Variants in IL1RL2 observed in about 807,000 individuals in gnomAD.
IL1RL2 encodes the protein interleukin-1 receptor-like 2.
IL1RL2 carries 68 observed loss-of-function variants against 66.8 expected under a neutral mutation model. The ratio of observed to expected loss-of-function variants is 1.02; its 90% confidence interval spans 0.84 to 1.25. The LOEUF is 1.25. Among genes scored for constraint, IL1RL2 ranks in the 50% most tolerant of loss-of-function variants. The pLI is 0.00. For missense variants in IL1RL2, 729 were observed against 709.3 expected (o/e 1.03, Z -0.32); for synonymous variants, 305 against 264.6 (o/e 1.15, Z -1.48).
At chr2:102,188,984 A>G (rs1167930727) in intron 2 of IL1RL2, 92 bp from the exon 3 acceptor site, 1 of 895,704 alleles carries the variant, frequency 1.1e-6, no homozygotes, top group Non-Finnish European at 1.7e-6. Flanking sequence ...AATTGGCTGG[A>G]AAATTGAAGA....
chr2:102,205,094 A>C (rs1688595021), intron 5 of IL1RL2, among the ~76,000 whole-genome samples: 1 of 152,090 alleles, frequency 6.6e-6, no homozygotes, highest in Non-Finnish European at 1.5e-5. Context: ...ACCGGATAAC[A>C]ACTTAATATT....
chr2:102,189,382 A>C, intron 3 of IL1RL2, 72 bp downstream of exon 3: 1 of 877,848 alleles, frequency 1.1e-6, no homozygotes, highest in East Asian at 2.6e-5. Flanking sequence ...ATTCTTAACG[A>C]ACATAGAAAA....
intron 11 of IL1RL2, chr2:102,235,707 T>C: frequency 1.0e-6 from 1 of 985,366 alleles, no homozygotes; most frequent in Non-Finnish European, 1.2e-6. Flanking sequence ...AGGAGAGGGT[T>C]GGCAAGGATA....
At chr2:102,232,435 C>T (rs1253663301) in intron 9 of IL1RL2, among the ~76,000 whole-genome samples, 4 of 151,706 alleles carry the variant, frequency 2.6e-5, no homozygotes, top group Admixed American at 2.6e-4. Flanking sequence ...CCTAAGCTCC[C>T]ATTTCAGCCT....
chr2:102,240,360 C>CTTT (rs1414907970), downstream of IL1RL2, among the ~76,000 whole-genome samples: 4 of 112,726 alleles, frequency 3.5e-5, no homozygotes, highest in African/African-American at 1.5e-4. Context: ...TTCTTCTCCT[C>CTTT]CTTTTTTTTT....
chr2:102,223,647 C>T (rs7570468), intron 8 of IL1RL2, among the ~76,000 whole-genome samples: 2 of 152,072 alleles, frequency 1.3e-5, no homozygotes, highest in Non-Finnish European at 2.9e-5. Context: ...GTGAAGAGCC[C>T]GAGAATTTTA....
chr2:102,241,076 C>G (rs1675218524), downstream of IL1RL2, among the ~76,000 whole-genome samples: 2 of 152,246 alleles, frequency 1.3e-5, no homozygotes, highest in Non-Finnish European at 2.9e-5. Context: ...CGCAACCTAC[C>G]TAGGCGGCCA....
chr2:102,194,631 C>T (rs745566126), intron 4 of IL1RL2, among the ~76,000 whole-genome samples: 2 of 152,142 alleles, frequency 1.3e-5, no homozygotes, highest in African/African-American at 2.4e-5. Context: ...AATTGTGTCT[C>T]ATTTCAGCTT....
chr2:102,195,299 G>A (rs879295403), intron 4 of IL1RL2, among the ~76,000 whole-genome samples: 3 of 152,150 alleles, frequency 2.0e-5, no homozygotes, highest in Non-Finnish European at 4.4e-5. Flanking sequence ...TCTGTGACTT[G>A]TTTAAGAATC....
At chr2:102,193,550 CTA>C (rs1247867648) in intron 4 of IL1RL2, among the ~76,000 whole-genome samples, 1 of 152,138 alleles carries the variant, frequency 6.6e-6, no homozygotes, top group African/African-American at 2.4e-5. Flanking sequence ...CAGAATCTTG[CTA>C]TGATGCCCAG....
At chr2:102,237,516 C>T (rs961986958) in intron 11 of IL1RL2, among the ~76,000 whole-genome samples, 2 of 152,212 alleles carry the variant, frequency 1.3e-5, no homozygotes, top group Non-Finnish European at 2.9e-5. Flanking sequence ...AGTGAGGGGA[C>T]AGAGTGCGGA....
chr2:102,197,989 G>A (rs1018374225), intron 4 of IL1RL2, among the ~76,000 whole-genome samples: 10 of 152,146 alleles, frequency 6.6e-5, no homozygotes, highest in African/African-American at 2.2e-4. Flanking sequence ...CACAGATTTA[G>A]CAAAGCACCT....
In IL1RL2 at chr2:102,225,889, C is replaced by T. The variant is rs1307089827; in HGVS notation, c.992-9C>T. ...ATAATTATTATTATTTTTTTGCTGT[C>T]ATTTGTAGCTCCGGATTTTCGAGCT... On this transcript the variant is annotated splice_polypyrimidine_tract_variant and intron_variant, in intron 8 of 11. Coordinates refer to ENST00000264257, the MANE Select transcript of IL1RL2 (RefSeq NM_003854.4). 4 of 1,550,360 alleles carry T rather than the reference C, an allele frequency of 2.6e-6. No individual in the cohort carries two copies. The highest frequency in any genetic ancestry group is 2.6e-6 in the Non-Finnish European group (3 of 1,149,930).
At chr2:102,238,422 C>T (rs3755282) in intron 11 of IL1RL2, among the ~76,000 whole-genome samples, 38,240 of 152,030 alleles carry the variant, frequency 0.25, 5,557 homozygotes, top group South Asian at 0.37. Flanking sequence ...CTTGGCAAAC[C>T]GTGGGATGCC....
intron 6 of IL1RL2, among the ~76,000 whole-genome samples, chr2:102,215,603 T>C (rs1403972856): frequency 1.3e-5 from 2 of 152,042 alleles, no homozygotes; most frequent in African/African-American, 4.8e-5. Context: ...GCCCTGCACC[T>C]GGCAAGACGA....
chr2:102,187,469 G>T, intron 1 of IL1RL2: 1 of 936,252 alleles, frequency 1.1e-6, no homozygotes, highest in Non-Finnish European at 1.4e-6. Flanking sequence ...GCGGGGTTGG[G>T]GTCCCACGTC....
At chr2:102,239,142 C>T in intron 11 of IL1RL2, 50 bp from the exon 12 acceptor site, 1 of 1,559,460 alleles carries the variant, frequency 6.4e-7, no homozygotes, top group South Asian at 1.1e-5. Flanking sequence ...TATCAGCCCC[C>T]ATCTCCCACC....
At position 102,239,623 on chromosome 2, in the gene IL1RL2, G is replaced by A. The variant is rs1414295680; in HGVS notation, c.*382G>A. On this transcript the variant is annotated 3_prime_UTR_variant, in exon 12 of 12. Transcript: ENST00000264257. ...GGTGAGGGCGGGTGGTCATCCACAT[G>A]GTCATAGTGGGTGAGAGCTGGGGGT... 1 of 227,660 alleles carries A rather than the reference G, an allele frequency of 4.4e-6. No individual in the cohort carries two copies. The highest frequency in any genetic ancestry group is 2.2e-5 in the African/African-American group (1 of 44,750). The allele number at this position is 227,660 out of a possible 1,614,324, so 14.1% of individuals were successfully genotyped here. A position where few individuals can be genotyped will look rare whatever the true frequency, so the allele number is the denominator to read the frequency against.
chr2:102,212,877 G>A (rs1201257918), intron 6 of IL1RL2, among the ~76,000 whole-genome samples: 2 of 152,156 alleles, frequency 1.3e-5, no homozygotes, highest in Non-Finnish European at 2.9e-5. Context: ...GCCGAGGCAG[G>A]AGAATGGCGT....
Sources: gnomAD v4.1 joint callset for allele counts (sites outside exome capture counted in the v4.1 genomes callset) on GRCh38, gnomAD v4.1.1 for gene constraint, MANE v1.5 for transcripts, NCBI Gene and HGNC (gene_info 2026-07-23, HGNC 2026-07-21) for gene names.